Variants in ERGIC1 observed in about 807,000 individuals in gnomAD.
The protein encoded by ERGIC1 is endoplasmic reticulum-golgi intermediate compartment 1, also known as endoplasmic reticulum-Golgi intermediate compartment protein 1.
In ERGIC1, 19 loss-of-function variants were observed where a neutral mutation model predicts 38.3. The observed-to-expected ratio is 0.50, with a 90% CI of 0.35 to 0.73. The LOEUF is 0.73. ERGIC1 is among the 30% of genes least tolerant of loss of function. ERGIC1 has a pLI of 0.01. For missense variants in ERGIC1, 294 were observed against 389.2 expected (o/e 0.76, Z 2.06); for synonymous variants, 124 against 157.6 (o/e 0.79, Z 1.60).
intron 9 of ERGIC1, among the ~76,000 whole-genome samples, chr5:172,949,859 A>T (rs1364806764): frequency 1.6e-4 from 24 of 152,108 alleles, no homozygotes; most frequent in Non-Finnish European, 1.5e-5. Context: ...AGGTCAGGAG[A>T]TCAAGACCAT....
intron 1 of ERGIC1, among the ~76,000 whole-genome samples, chr5:172,841,218 G>T (rs1469352983): frequency 6.6e-6 from 1 of 152,194 alleles, no homozygotes; most frequent in Admixed American, 6.5e-5. Flanking sequence ...AACCTCCAAC[G>T]CTGGCTGTCT....
intron 2 of ERGIC1, among the ~76,000 whole-genome samples, chr5:172,892,192 G>A (rs767896074): frequency 4.0e-5 from 6 of 151,726 alleles, no homozygotes; most frequent in East Asian, 1.9e-4. Context: ...GAGGAAAGGC[G>A]TGAGGCATAG....
At chr5:172,934,185 T>A (rs1334657485) in intron 8 of ERGIC1, 1 of 152,360 alleles carries the variant, frequency 6.6e-6, no homozygotes, top group Non-Finnish European at 1.5e-5. Flanking sequence ...GGGCTCAGTG[T>A]TACTTACCCC....
At chr5:172,940,698 GC>G (rs1388783625) in intron 9 of ERGIC1, among the ~76,000 whole-genome samples, 3 of 152,082 alleles carry the variant, frequency 2.0e-5, no homozygotes, top group African/African-American at 7.2e-5. Context: ...GGAGAGTTGC[GC>G]AGCTCCCTTA....
intron 5 of ERGIC1, chr5:172,917,871 T>G (rs1763411455): frequency 6.6e-6 from 1 of 152,202 alleles, no homozygotes; most frequent in Non-Finnish European, 1.5e-5. Context: ...ACCACTGTTT[T>G]AAAATTACGG....
chr5:172,886,396 C>T (rs937357377), intron 1 of ERGIC1, among the ~76,000 whole-genome samples: 4 of 152,078 alleles, frequency 2.6e-5, no homozygotes, highest in Non-Finnish European at 5.9e-5. Context: ...GAAGCTTCAC[C>T]GAGGACCCCA....
In ERGIC1 at chr5:172,926,598, T is replaced by C. The variant is rs746412207; in HGVS notation, c.541+29T>C. 1 of 1,608,732 alleles carries C rather than the reference T, an allele frequency of 6.2e-7. No individual in the cohort carries two copies. The highest frequency in any genetic ancestry group is 2.2e-5 in the East Asian group (1 of 44,864). On this transcript the variant is annotated intron_variant, in intron 7 of 9. Transcript: ENST00000393784. The surrounding 1 kb of genome is among the most constrained non-coding windows in gnomAD (Gnocchi z 5.2). ...TGTATCCCTGCTGGGAACAGCCTTC[T>C]GCTCCAAGATGCCCAGTACAGCAGG...
intron 2 of ERGIC1, among the ~76,000 whole-genome samples, chr5:172,895,368 G>A (rs992423618): frequency 3.3e-5 from 5 of 152,184 alleles, no homozygotes; most frequent in East Asian, 3.8e-4. Flanking sequence ...AACTCACTTA[G>A]GGCCATGCAG....
In ERGIC1 at chr5:172,888,768, G is replaced by C. The variant is rs776846252; in HGVS notation, c.82+8G>C. The C allele has an allele frequency of 6.2e-7, 1 of 1,613,652 alleles. No individual in the cohort carries two copies. The highest frequency in any genetic ancestry group is 1.3e-5 in the African/African-American group (1 of 74,912). ...CGTACACCGGGGCCATTAGTGAGTAGCCAACCTCTGGCCATGCCCTCTGCC... is the reference window on the plus strand; with the variant it reads ...CGTACACCGGGGCCATTAGTGAGTACCCAACCTCTGGCCATGCCCTCTGCC... On this transcript the variant is annotated splice_region_variant and intron_variant, in intron 2 of 9. Coordinates refer to ENST00000393784, the MANE Select transcript of ERGIC1 (RefSeq NM_001031711.3).
chr5:172,932,611 C>T, intron 8 of ERGIC1, 75 bp downstream of exon 8: 2 of 1,432,644 alleles, frequency 1.4e-6, no homozygotes, highest in Non-Finnish European at 1.9e-6. Context: ...TGACAGGCGG[C>T]TGCACCGACG....
At chr5:172,888,283 A>T (rs1762470348) in intron 1 of ERGIC1, among the ~76,000 whole-genome samples, 1 of 152,024 alleles carries the variant, frequency 6.6e-6, no homozygotes, top group African/African-American at 2.4e-5. Context: ...AACATGGCAA[A>T]ACCCCGTCTC....
chr5:172,897,783 G>A (rs959261218), intron 3 of ERGIC1: 22 of 413,558 alleles, frequency 5.3e-5, no homozygotes, highest in Non-Finnish European at 9.3e-5. Context: ...AGGGGGCGAG[G>A]TTGCTGACAT....
chr5:172,903,488 C>T (rs1481382779), intron 3 of ERGIC1, among the ~76,000 whole-genome samples: 1 of 152,176 alleles, frequency 6.6e-6, no homozygotes, highest in Non-Finnish European at 1.5e-5. Context: ...TCCCTGGGCT[C>T]AGATCCTGCC....
chr5:172,841,794 A>G (rs1213821136), intron 1 of ERGIC1, among the ~76,000 whole-genome samples: 1 of 152,218 alleles, frequency 6.6e-6, no homozygotes, highest in Non-Finnish European at 1.5e-5. Context: ...GACTTATAAA[A>G]TCACACTGGC....
At chr5:172,850,853 TA>T (rs1761385043) in intron 1 of ERGIC1, among the ~76,000 whole-genome samples, 1 of 152,172 alleles carries the variant, frequency 6.6e-6, no homozygotes. Flanking sequence ...CTCACATTTT[TA>T]AAAAATTGAA....
At chr5:172,911,495 A>G (rs1763207677) in intron 4 of ERGIC1, among the ~76,000 whole-genome samples, 1 of 152,152 alleles carries the variant, frequency 6.6e-6, no homozygotes, top group Non-Finnish European at 1.5e-5. Flanking sequence ...CTGTGGGGCT[A>G]TAACCTGAAC....
At chr5:172,905,646 C>T (rs894298230) in intron 3 of ERGIC1, among the ~76,000 whole-genome samples, 5 of 152,238 alleles carry the variant, frequency 3.3e-5, no homozygotes, top group South Asian at 2.1e-4. Flanking sequence ...ATAAGCACAG[C>T]GGACACCCTG....
At chr5:172,856,153 C>T (rs1761543235) in intron 1 of ERGIC1, among the ~76,000 whole-genome samples, 1 of 152,084 alleles carries the variant, frequency 6.6e-6, no homozygotes, top group African/African-American at 2.4e-5. Flanking sequence ...TCCCTGCATC[C>T]CTAGGGGTGG....
chr5:172,925,507 C>T (rs146076409), intron 6 of ERGIC1, among the ~76,000 whole-genome samples: 1 of 152,262 alleles, frequency 6.6e-6, no homozygotes, highest in East Asian at 1.9e-4. Flanking sequence ...AAACATCAGC[C>T]GCCTGAGACC....
Sources: gnomAD v4.1 joint callset for allele counts (sites outside exome capture counted in the v4.1 genomes callset) on GRCh38, gnomAD v4.1.1 for gene constraint, Gnocchi (gnomAD v3.1) non-coding constraint, MANE v1.5 for transcripts, NCBI Gene and HGNC (gene_info 2026-07-23, HGNC 2026-07-21) for gene names.